Variants in PELI1 observed in about 807,000 individuals in gnomAD.
PELI1 encodes the protein E3 ubiquitin-protein ligase pellino homolog 1.
In PELI1, 15 loss-of-function variants were observed where a neutral mutation model predicts 41.3. The observed-to-expected ratio is 0.36, with a 90% CI of 0.24 to 0.56. PELI1 has a LOEUF of 0.56. PELI1 is among the 20% of genes least tolerant of loss of function. The pLI, the probability that PELI1 is intolerant of heterozygous loss-of-function variation, is 0.82. For synonymous variants in PELI1, 178 were observed against 180.1 expected (o/e 0.99, Z 0.09); for missense variants, 403 against 525.5 (o/e 0.77, Z 2.28).
intron 2 of PELI1, 29 bp from the exon 3 acceptor site, chr2:64,104,859 C>A (rs768556280): frequency 1.3e-6 from 2 of 1,598,672 alleles, no homozygotes; most frequent in South Asian, 2.2e-5. Flanking sequence ...TATAGGTGAT[C>A]TCTTGCAAGA....
chr2:64,105,115 A>G (rs1680579062), intron 2 of PELI1, among the ~76,000 whole-genome samples: 1 of 152,168 alleles, frequency 6.6e-6, no homozygotes, highest in Admixed American at 6.5e-5. Flanking sequence ...TATGGAAGAT[A>G]ATTAAGAGCT....
intron 1 of PELI1, among the ~76,000 whole-genome samples, chr2:64,114,504 A>T (rs1188182318): frequency 1.3e-5 from 2 of 152,172 alleles, no homozygotes; most frequent in East Asian, 3.8e-4. Flanking sequence ...AGTGAAGTCT[A>T]TGTTCCCCTT....
chr2:64,140,828 G>C (rs1344946333), intron 1 of PELI1, among the ~76,000 whole-genome samples: 3 of 115,708 alleles, frequency 2.6e-5, no homozygotes, highest in African/African-American at 1.2e-4. Context: ...CCTAGGGGCA[G>C]AACTTGAAAT....
intron 1 of PELI1, among the ~76,000 whole-genome samples, chr2:64,123,391 T>C (rs1681288014): frequency 6.6e-6 from 1 of 152,164 alleles, no homozygotes; most frequent in Non-Finnish European, 1.5e-5. Context: ...GTAACCCACA[T>C]AATGGGAAAA....
intron 1 of PELI1, among the ~76,000 whole-genome samples, chr2:64,139,903 T>G (rs1029567480): frequency 6.6e-6 from 1 of 152,196 alleles, no homozygotes; most frequent in South Asian, 2.1e-4. Context: ...CAAACGAAAT[T>G]TATTTGCTGT....
At chr2:64,103,131 C>T (rs190299323) in intron 3 of PELI1, among the ~76,000 whole-genome samples, 4 of 152,130 alleles carry the variant, frequency 2.6e-5, no homozygotes, top group East Asian at 1.9e-4. Flanking sequence ...TGTGAGCTAC[C>T]GCACCCAGCC....
intron 1 of PELI1, among the ~76,000 whole-genome samples, chr2:64,112,895 C>T (rs1680851965): frequency 6.6e-6 from 1 of 151,968 alleles, no homozygotes; most frequent in African/African-American, 2.4e-5. Context: ...TACTCTTTAA[C>T]AAAGACCAGT....
At chr2:64,099,110 A>C (rs1680336061) in intron 4 of PELI1, among the ~76,000 whole-genome samples, 1 of 152,106 alleles carries the variant, frequency 6.6e-6, no homozygotes, top group Admixed American at 6.6e-5. Flanking sequence ...AAACAAATAA[A>C]TATAACGTAC....
Position 64,094,390 on chromosome 2 carries a change from CA to C in PELI1, c.*311del. ...CAACAGTACCCTCAGTTATACAAAA[CA>C]ATTTCAGCACTGAGGATAGGTGATT... On this transcript the variant is annotated 3_prime_UTR_variant, in exon 7 of 7. Transcript: ENST00000358912. The C allele has an allele frequency of 4.3e-6, 1 of 230,446 alleles. No individual in the cohort carries two copies. The highest frequency in any genetic ancestry group is 8.5e-6 in the Non-Finnish European group (1 of 117,276). 14.3% of individuals were successfully genotyped at this position (230,446 alleles called of 1,614,324 possible).
chr2:64,136,632 G>A (rs570939364), intron 1 of PELI1, among the ~76,000 whole-genome samples: 6 of 152,338 alleles, frequency 3.9e-5, no homozygotes, highest in South Asian at 2.1e-4. Flanking sequence ...GAGGCTGGGC[G>A]CGGCGGCTCA....
intron 1 of PELI1, among the ~76,000 whole-genome samples, chr2:64,134,849 T>C (rs1414467609): frequency 2.6e-5 from 4 of 152,180 alleles, no homozygotes; most frequent in African/African-American, 9.6e-5. Flanking sequence ...TCAATTGTTT[T>C]CACTTATTGT....
rs1381206288 is a variant in PELI1 at position 64,093,204 on chromosome 2, T to A, written c.*1498A>T. ...CATGGCTTCTAAGCAACAAGTTTTG[T>A]TTTTTAAAAACCAAAAGAAAATTCA... On this transcript the variant is annotated 3_prime_UTR_variant, in exon 7 of 7. Transcript: ENST00000358912. The A allele has an allele frequency of 1.3e-5, 2 of 152,626 alleles. No homozygotes were observed. The highest frequency in any genetic ancestry group is 2.9e-5 in the Non-Finnish European group (2 of 68,028). The allele number at this position is 152,626 out of a possible 1,614,324, so 9.5% of individuals were successfully genotyped here.
At chr2:64,108,057 TA>T (rs1680680800) in intron 2 of PELI1, among the ~76,000 whole-genome samples, 182 bp downstream of exon 2, 1 of 152,186 alleles carries the variant, frequency 6.6e-6, no homozygotes. Context: ...TGAGTGCTTT[TA>T]AAAGATGGCA....
intron 1 of PELI1, among the ~76,000 whole-genome samples, chr2:64,133,509 C>T (rs1433731061): frequency 6.6e-6 from 1 of 151,946 alleles, no homozygotes; most frequent in Non-Finnish European, 1.5e-5. Context: ...GTTTGGGATA[C>T]AGATACCGAT....
intron 2 of PELI1, among the ~76,000 whole-genome samples, chr2:64,105,717 T>C (rs1680596716): frequency 6.6e-6 from 1 of 152,198 alleles, no homozygotes; most frequent in Non-Finnish European, 1.5e-5. Flanking sequence ...GTTTGTCATG[T>C]GGTTATGTCA....
intron 1 of PELI1, among the ~76,000 whole-genome samples, chr2:64,130,795 C>A (rs1011275816): frequency 2.6e-5 from 4 of 151,902 alleles, no homozygotes; most frequent in African/African-American, 9.7e-5. Flanking sequence ...ATGTTAAAGC[C>A]TTTTGGGAAC....
Position 64,092,848 on chromosome 2 carries a change from G to T in PELI1, c.*1854C>A, listed in dbSNP as rs1020358443. The T allele has an allele frequency of 6.6e-6, 1 of 152,120 alleles. No individual in the cohort carries two copies. The highest frequency in any genetic ancestry group is 2.4e-5 in the African/African-American group (1 of 41,398). The allele number at this position is 152,120 out of a possible 1,614,324, so 9.4% of individuals were successfully genotyped here. On this transcript the variant is annotated 3_prime_UTR_variant, in exon 7 of 7. Coordinates refer to ENST00000358912, the MANE Select transcript of PELI1 (RefSeq NM_020651.4). ...TATGCAAAAATGAACTCACAGAGAC[G>T]AATTCAATTATGTATTTTGAAAAGT...
At chr2:64,117,672 T>A (rs150954789) in intron 1 of PELI1, among the ~76,000 whole-genome samples, 51 of 152,322 alleles carry the variant, frequency 3.3e-4, no homozygotes, top group Admixed American at 9.1e-4. Context: ...AGAGAAATCA[T>A]TATTAAAAGA....
At chr2:64,138,614 C>G (rs1312121131) in intron 1 of PELI1, among the ~76,000 whole-genome samples, 1 of 152,144 alleles carries the variant, frequency 6.6e-6, no homozygotes, top group Non-Finnish European at 1.5e-5. Context: ...GTAATCCCAG[C>G]TACTCAGGAG....
Sources: gnomAD v4.1 joint callset for allele counts (sites outside exome capture counted in the v4.1 genomes callset) on GRCh38, gnomAD v4.1.1 for gene constraint, MANE v1.5 for transcripts, NCBI Gene and HGNC (gene_info 2026-07-23, HGNC 2026-07-21) for gene names.